Variants in TMEM263 observed in about 807,000 individuals in gnomAD.
TMEM263 encodes transmembrane protein 263.
TMEM263 carries 5 observed loss-of-function variants against 8.6 expected under a neutral mutation model. The ratio of observed to expected loss-of-function variants is 0.58; its 90% CI spans 0.31 to 1.23. The LOEUF (loss-of-function observed/expected upper bound fraction) is 1.23, where lower values mean the gene tolerates loss of function less well. Among genes scored for constraint, TMEM263 ranks in the 50% most tolerant of loss-of-function variants. The pLI, the probability that TMEM263 is intolerant of heterozygous loss-of-function variation, is 0.07. For missense variants in TMEM263, 104 were observed against 138.8 expected (o/e 0.75, Z 1.26); for synonymous variants, 50 against 47.9 (o/e 1.04, Z -0.18).
At chr12:106,965,373 G>A (rs999666441) in intron 2 of TMEM263, among the ~76,000 whole-genome samples, 11 of 152,084 alleles carry the variant, frequency 7.2e-5, no homozygotes, top group Non-Finnish European at 1.2e-4. Context: ...TTGGGAGGCC[G>A]AGGTAGGCGG....
At chr12:106,961,224 ATTTTTTTTT>A (rs554707654) in intron 2 of TMEM263, among the ~76,000 whole-genome samples, 1 of 75,114 alleles carries the variant, frequency 1.3e-5, no homozygotes, top group African/African-American at 6.1e-5. Context: ...TGCCCAGTCA[ATTTTTTTTT>A]TTTTTTTTTT....
At chr12:106,969,448 C>T (rs924972996) in intron 3 of TMEM263, among the ~76,000 whole-genome samples, 6 of 152,142 alleles carry the variant, frequency 3.9e-5, no homozygotes, top group South Asian at 2.1e-4. Flanking sequence ...GTTACTAGGC[C>T]GGGCGCAGTG....
Position 106,971,517 on chromosome 12 carries a change from T to A in TMEM263, c.*126T>A. 1.0e-6 allele frequency: 1 copy of A among 970,276 alleles called. No homozygotes were observed. Among genetic ancestry groups the A allele is most frequent in the Non-Finnish European group, 1.5e-6 (1 of 672,836 alleles). The allele number at this position is 970,276 out of a possible 1,614,324, so 60.1% of individuals were successfully genotyped here. On this transcript the variant is annotated 3_prime_UTR_variant, in exon 4 of 4. Coordinates refer to ENST00000280756, the MANE Select transcript of TMEM263 (RefSeq NM_152261.4). ...TTCTAAACTGCTGTGTTGAAAGTAT[T>A]GATGACTGGCTTTCATCTAAAAAGA...
intron 2 of TMEM263, among the ~76,000 whole-genome samples, chr12:106,963,106 G>T (rs769280090): frequency 3.2e-4 from 49 of 152,194 alleles, no homozygotes; most frequent in Admixed American, 5.2e-4. Context: ...TGGGGAAAAG[G>T]CTTCGAGGAA....
At chr12:106,970,674 A>G (rs1413653476) in intron 3 of TMEM263, among the ~76,000 whole-genome samples, 1 of 152,208 alleles carries the variant, frequency 6.6e-6, no homozygotes, top group Non-Finnish European at 1.5e-5. Context: ...ATACCTTGAA[A>G]ACTACTGCAT....
chr12:106,966,907 A>G (rs1414121450), intron 2 of TMEM263: 6 of 474,732 alleles, frequency 1.3e-5, no homozygotes, highest in Non-Finnish European at 2.2e-5. Context: ...CATAAGATTT[A>G]TATTGTCTAC....
intron 2 of TMEM263, among the ~76,000 whole-genome samples, chr12:106,966,155 G>A (rs986925446): frequency 1.3e-5 from 2 of 152,092 alleles, no homozygotes; most frequent in Non-Finnish European, 2.9e-5. Context: ...CCACCTACAA[G>A]CAGGCCCTGG....
chr12:106,965,412 G>A (rs996286280), intron 2 of TMEM263, among the ~76,000 whole-genome samples: 4 of 152,060 alleles, frequency 2.6e-5, no homozygotes, highest in Admixed American at 2.0e-4. Flanking sequence ...TTCAAGACCA[G>A]CCTGGCCAAC....
chr12:106,971,364 A>G lies in TMEM263; in HGVS notation c.324A>G (p.Thr108=). Residue 108 remains threonine, a synonymous_variant, in exon 4 of 4, where the codon ACA becomes ACG. Coordinates refer to ENST00000280756, the MANE Select transcript of TMEM263 (RefSeq NM_152261.4). The stretch of plus-strand genomic sequence containing the variant: ...CTGTTGTAAACAAAGTGCCCTTAAC[A>G]GGAAAGAAGAAAGACAAATCTGACT... ...GSAVVNKVPL[T]GKKKDKSD 6.2e-7 allele frequency: 1 copy of G among 1,610,890 alleles called. No individual in the cohort carries two copies. The highest frequency in any genetic ancestry group is 8.5e-7 in the Non-Finnish European group (1 of 1,178,042).
intron 2 of TMEM263, among the ~76,000 whole-genome samples, chr12:106,961,069 G>A (rs1240170699): frequency 1.3e-5 from 2 of 151,258 alleles, no homozygotes; most frequent in Admixed American, 6.6e-5. Flanking sequence ...CTGTCCTATC[G>A]TTTGAGACAG....
intron 2 of TMEM263, among the ~76,000 whole-genome samples, chr12:106,961,034 TCGTCCTGTCC>T (rs1428851257): frequency 2.9e-5 from 4 of 138,676 alleles, no homozygotes; most frequent in African/African-American, 1.3e-4. Flanking sequence ...TCTCTTCTCT[TCGTCCTGTCC>T]TGTCCTGTCC....
At chr12:106,970,831 A>G (rs1335881321) in intron 3 of TMEM263, among the ~76,000 whole-genome samples, 1 of 152,238 alleles carries the variant, frequency 6.6e-6, no homozygotes, top group African/African-American at 2.4e-5. Flanking sequence ...CCAAGGAAAC[A>G]TTTAAAATAG....
intron 3 of TMEM263, 158 bp downstream of exon 3, chr12:106,967,338 A>T (rs896313873): frequency 6.2e-6 from 3 of 486,300 alleles, no homozygotes; most frequent in Non-Finnish European, 1.1e-5. Context: ...GGCCCACTGC[A>T]ACCTCCGCTT....
intron 2 of TMEM263, among the ~76,000 whole-genome samples, chr12:106,962,137 A>G (rs1295987511): frequency 6.6e-6 from 1 of 152,176 alleles, no homozygotes; most frequent in South Asian, 2.1e-4. Context: ...TACAAATACT[A>G]TATTATACTG....
rs1164746780 is a variant in TMEM263, at chr12:106,967,173, A to T, written c.57A>T (p.Pro19=). ...QEIPSYLNDE[P]PEGSMKDHPQ... is the part of the protein sequence containing the mutation. ...TCCCATCATACCTTAATGATGAACC[A>T]CCAGAAGGTAAGTATGCATCTGTAA... Residue 19 remains proline, a synonymous_variant, in exon 3 of 4, where the codon CCA becomes CCT. Transcript: ENST00000280756. 1 of 1,585,712 alleles carries T rather than the reference A, an allele frequency of 6.3e-7. No individual in the cohort carries two copies. The highest frequency in any genetic ancestry group is 8.6e-7 in the Non-Finnish European group (1 of 1,159,950).
intron 2 of TMEM263, among the ~76,000 whole-genome samples, chr12:106,957,623 T>C (rs575361768): frequency 6.6e-6 from 1 of 152,350 alleles, no homozygotes; most frequent in East Asian, 1.9e-4. Flanking sequence ...ATAGAATGTT[T>C]GACACATAGT....
intron 2 of TMEM263, among the ~76,000 whole-genome samples, chr12:106,960,916 GTTTTC>G (rs1239894121): frequency 6.6e-6 from 1 of 152,112 alleles, no homozygotes; most frequent in African/African-American, 2.4e-5. Flanking sequence ...CTAGCTTAGA[GTTTTC>G]TTTTTTTTAA....
intron 2 of TMEM263, among the ~76,000 whole-genome samples, chr12:106,963,008 T>G (rs1379842161): frequency 6.6e-6 from 1 of 151,872 alleles, no homozygotes; most frequent in East Asian, 1.9e-4. Flanking sequence ...ATAAGAAGAG[T>G]GGAGGGTGCT....
chr12:106,968,990 G>T (rs1951882125), intron 3 of TMEM263, among the ~76,000 whole-genome samples: 1 of 152,064 alleles, frequency 6.6e-6, no homozygotes, highest in African/African-American at 2.4e-5. Context: ...TTAAAAATTT[G>T]TATTAACTAT....
Sources: allele counts gnomAD v4.1 joint callset (sites outside exome capture counted in the v4.1 genomes callset), GRCh38; gene constraint gnomAD v4.1.1; transcripts MANE v1.5; gene names NCBI Gene and HGNC (gene_info 2026-07-23, HGNC 2026-07-21).